Variants in MTSS2 observed in about 807,000 individuals in gnomAD.
The protein encoded by MTSS2 is MTSS I-BAR domain containing 2.
Under a neutral mutation model 67.1 loss-of-function variants are expected in MTSS2, and 27 were observed. The ratio of observed to expected loss-of-function variants is 0.40; its 90% CI spans 0.30 to 0.55. The LOEUF (loss-of-function observed/expected upper bound fraction) is 0.55. Ranked by LOEUF, MTSS2 falls within the 20% of genes least tolerant of loss-of-function variation. The pLI is 0.43. For synonymous variants in MTSS2, 624 were observed against 468.6 expected, an observed-to-expected ratio of 1.33 and a Z score of -4.28; for missense variants, 1,171 against 1,067.8, an observed-to-expected ratio of 1.10 and a Z score of -1.35.
intron 12 of MTSS2, 151 bp from the exon 13 acceptor site, chr16:70,665,247 C>A: frequency 9.9e-7 from 1 of 1,007,010 alleles, no homozygotes. Context: ...TGGAGTGTGA[C>A]TGTGGCCCCT....
intron 1 of MTSS2, among the ~76,000 whole-genome samples, chr16:70,682,384 C>T (rs531018563): frequency 1.2e-4 from 18 of 152,222 alleles, no homozygotes; most frequent in Admixed American, 2.6e-4. Flanking sequence ...GCTCTCCCAC[C>T]GCCTGGACCC....
intron 2 of MTSS2, 46 bp downstream of exon 2, chr16:70,680,918 G>GGGCC: frequency 6.4e-6 from 7 of 1,097,112 alleles, no homozygotes; most frequent in African/African-American, 1.6e-5. Context: ...CGGGGGGGGG[G>GGGCC]CCTCTGCCTG....
chr16:70,666,768 G>A (rs185007060), intron 11 of MTSS2, among the ~76,000 whole-genome samples: 3 of 152,316 alleles, frequency 2.0e-5, no homozygotes, highest in Admixed American at 6.5e-5. Context: ...CAGTGAAAAA[G>A]TTCAACACTT....
rs1320278585 is a variant in MTSS2, at chr16:70,661,546, A to C, written c.*2131T>G. ...AAAATGAGAAATTAAACGAACGTAA[A>C]GTCCCCCAAACCAAAGTTTGTGATG... is the stretch of plus-strand genomic sequence containing the variant. On this transcript the variant is annotated 3_prime_UTR_variant, in exon 15 of 15. Transcript: ENST00000338779. 1 of 352,416 alleles carries C rather than the reference A, an allele frequency of 2.8e-6. No individual in the cohort carries two copies. Among genetic ancestry groups the C allele is most frequent in the African/African-American group, 2.1e-5 (1 of 46,538 alleles). 21.8% of individuals were successfully genotyped at this position (352,416 alleles called of 1,614,324 possible).
At chr16:70,679,925 A>AC in intron 4 of MTSS2, 46 bp downstream of exon 4, 3 of 1,464,030 alleles carry the variant, frequency 2.0e-6, no homozygotes, top group South Asian at 1.2e-5. Flanking sequence ...CTCCCCCGCG[A>AC]CGCCCCGTCC....
intron 7 of MTSS2, 121 bp downstream of exon 7, chr16:70,679,194 G>C (rs932402203): frequency 2.2e-5 from 29 of 1,324,280 alleles, no homozygotes; most frequent in Non-Finnish European, 3.0e-5. Context: ...CTCGTGGACC[G>C]ACCGCCTTCC....
rs145795157 is a variant in MTSS2 at position 70,665,484 on chromosome 16, C to T, written c.1110G>A (p.Glu370=). 11,177 of 1,556,484 alleles carry T rather than the reference C, an allele frequency of 7.2e-3. 57 individuals carry two copies. The highest frequency in any genetic ancestry group is 8.8e-3 in the Non-Finnish European group (10,071 of 1,150,890). ...CACTGACCGAGGTGGGGGAGCTGCA[C>T]TCGCTAACGGACTGGCAGGTTTCCG... ...EASETCQSVS[E]CSSPTSDWSK... is the part of the protein sequence containing the mutation. Residue 370 remains glutamate (E), a synonymous_variant, in exon 12 of 15, where the codon GAG becomes GAA. Transcript: ENST00000338779.
Position 70,663,490 on chromosome 16 carries a change from G to C in MTSS2, c.*187C>G. 8.6e-7 allele frequency: 1 copy of C among 1,168,098 alleles called. No homozygotes were observed. Among genetic ancestry groups the C allele is most frequent in the South Asian group, 1.6e-5 (1 of 60,684 alleles). 72.4% of individuals were successfully genotyped at this position (1,168,098 alleles called of 1,614,324 possible). A position where few individuals can be genotyped will look rare whatever the true frequency, so the allele number is the denominator to read the frequency against. ...GGCCTGCAGGCTCCGTCCTGGCCAGGCTTGCTAAGAAGTCACTTCCTGTTT... is the reference window on the plus strand; with the variant it reads ...GGCCTGCAGGCTCCGTCCTGGCCAGCCTTGCTAAGAAGTCACTTCCTGTTT... On this transcript the variant is annotated 3_prime_UTR_variant, in exon 15 of 15. Transcript: ENST00000338779.
In MTSS2 at chr16:70,679,301, G is replaced by C; in HGVS notation, c.466+14C>G. The C allele has an allele frequency of 6.2e-7, 1 of 1,613,902 alleles. No individual in the cohort carries two copies. The highest frequency in any genetic ancestry group is 1.1e-5 in the South Asian group (1 of 91,078). ...GACGGGAGGAGCAGCTGGAGGGACC[G>C]ACATTTGACTTACCAAGTAGCTCTA... On this transcript the variant is annotated intron_variant, in intron 7 of 14. Coordinates refer to ENST00000338779, the MANE Select transcript of MTSS2 (RefSeq NM_138383.3).
At chr16:70,680,354 G>C (rs1350375780) in intron 3 of MTSS2, among the ~76,000 whole-genome samples, 1 of 152,190 alleles carries the variant, frequency 6.6e-6, no homozygotes, top group Non-Finnish European at 1.5e-5. Flanking sequence ...GGTGTGCCCA[G>C]ATGCAGGTGC....
chr16:70,664,900 G>A lies in MTSS2; in HGVS notation c.1305+20C>T, dbSNP rs2052645257. On this transcript the variant is annotated intron_variant, in intron 13 of 14. Transcript: ENST00000338779. The stretch of plus-strand genomic sequence containing the variant: ...TCCTGGGACTGACCTGGGCGTGAAG[G>A]GGGGCCCTGGCCAGCCTACCTTGGC... The A allele has an allele frequency of 6.5e-7, 1 of 1,530,618 alleles. No individual in the cohort carries two copies. Among genetic ancestry groups the A allele is most frequent in the South Asian group, 1.2e-5 (1 of 81,594 alleles). 94.8% of individuals were successfully genotyped at this position (1,530,618 alleles called of 1,614,324 possible).
rs565842330 is a variant in MTSS2 at position 70,674,951 on chromosome 16, A to T, written c.831-423T>A. 2.2e-4 allele frequency among the ~76,000 whole-genome samples: 33 copies of T among 152,288 alleles called. No individual in the cohort carries two copies. In the South Asian group the frequency reaches 5.0e-3, roughly 23 times the overall value. Reference sequence around the variant, plus strand: ...AACATAGCGAAACCCCATCACCACTAAAAATGCAAAAGTTAGCTGGGCATG... The same window carrying T: ...AACATAGCGAAACCCCATCACCACTTAAAATGCAAAAGTTAGCTGGGCATG... On this transcript the variant is annotated intron_variant, in intron 10 of 14. Coordinates refer to ENST00000338779, the MANE Select transcript of MTSS2 (RefSeq NM_138383.3).
intron 11 of MTSS2, among the ~76,000 whole-genome samples, chr16:70,673,732 AAG>A (rs773923360): frequency 2.5e-4 from 38 of 152,138 alleles, no homozygotes; most frequent in Non-Finnish European, 4.6e-4. Context: ...TGTAAAAAAA[AAG>A]AGAAAATAAT....
At position 70,675,020 on chromosome 16, in the gene MTSS2, C is replaced by G. The variant is rs576124059; in HGVS notation, c.831-492G>C. 9.9e-5 allele frequency among the ~76,000 whole-genome samples: 15 copies of G among 151,552 alleles called. No individual in the cohort carries two copies. The East Asian group carries it at 1.2e-3, about 12-fold the overall frequency. On this transcript the variant is annotated intron_variant, in intron 10 of 14. Transcript: ENST00000338779. ...CTCAGCTACTTGGCAGGCTGAGGCACGAGAATCACTTGAACCTGGGAGGCG... is the reference window on the plus strand; with the variant it reads ...CTCAGCTACTTGGCAGGCTGAGGCAGGAGAATCACTTGAACCTGGGAGGCG...
intron 11 of MTSS2, among the ~76,000 whole-genome samples, chr16:70,666,959 AT>A (rs2151913762): frequency 6.6e-6 from 1 of 152,326 alleles, no homozygotes; most frequent in African/African-American, 2.4e-5. Flanking sequence ...AGGAAAAGAA[AT>A]AAAAAACAAA....
In MTSS2 at chr16:70,664,655, C is replaced by T; in HGVS notation, c.1414G>A (p.Gly472Ser). 3.1e-6 allele frequency: 5 copies of T among 1,613,446 alleles called. No homozygotes were observed. The highest frequency in any genetic ancestry group is 4.2e-6 in the Non-Finnish European group (5 of 1,179,924). ...GGCGTGGTGGTCTGCGTGCTGTAGC[C>T]GCTGGAGTACTGCAGCGAGTCCCGG... The part of the protein sequence containing the change: ...SSRDSLQYSS[G>S]YSTQTTTPSC... The change falls in exon 14 of 15, where the codon GGC becomes AGC. Residue 472 changes from glycine to serine, a missense_variant. Gly to Ser is a moderately conservative substitution (Grantham distance 56). Coordinates refer to ENST00000338779, the MANE Select transcript of MTSS2 (RefSeq NM_138383.3).
intron 6 of MTSS2, 60 bp from the exon 7 acceptor site, chr16:70,679,383 A>G: frequency 1.2e-6 from 2 of 1,602,372 alleles, no homozygotes; most frequent in Admixed American, 3.3e-5. Context: ...TGTGTGAAAG[A>G]CGCCGGATGG....
At chr16:70,677,985 C>G in intron 8 of MTSS2, 86 bp from the exon 9 acceptor site, 1 of 1,176,940 alleles carries the variant, frequency 8.5e-7, no homozygotes, top group East Asian at 2.6e-5. Flanking sequence ...CAGCCCTTGT[C>G]GGGCCTCTCC....
intron 1 of MTSS2, among the ~76,000 whole-genome samples, chr16:70,681,719 A>T (rs2053310369): frequency 6.6e-6 from 1 of 152,108 alleles, no homozygotes; most frequent in South Asian, 2.1e-4. Context: ...CTGGGGAAAC[A>T]GTGTGGCCTT....
Sources: gnomAD v4.1 joint callset for allele counts (sites outside exome capture counted in the v4.1 genomes callset) on GRCh38, gnomAD v4.1.1 for gene constraint, MANE v1.5 for transcripts, NCBI Gene and HGNC (gene_info 2026-07-23, HGNC 2026-07-21) for gene names.